The following CPNE4 variants were observed in gnomAD, a reference collection of about 807,000 sequenced individuals.
CPNE4 encodes the protein copine 4.
A neutral mutation model predicts 67.9 loss-of-function variants in CPNE4; 25 were observed. The observed-to-expected ratio is 0.37, with a 90% confidence interval of 0.27 to 0.51. The LOEUF (loss-of-function observed/expected upper bound fraction) is 0.51. CPNE4 is among the 20% of genes least tolerant of loss of function. The pLI is 0.93. For synonymous variants in CPNE4, 242 were observed against 244.9 expected (o/e 0.99, Z 0.11); for missense variants, 464 against 690.8 (o/e 0.67, Z 3.68).
chr3:132,035,332 C>T (rs184299412), upstream of CPNE4: 1 of 152,366 alleles, frequency 6.6e-6, no homozygotes, highest in East Asian at 1.9e-4. Flanking sequence ...TTTTGGCACT[C>T]ACCAAAGAAA....
At chr3:131,648,829 C>T (rs867450061) in intron 7 of CPNE4, among the ~76,000 whole-genome samples, 57 of 152,256 alleles carry the variant, frequency 3.7e-4, no homozygotes, top group African/African-American at 1.2e-3. Flanking sequence ...GAAAATGAGG[C>T]CCAGGGAGGG....
At chr3:131,866,957 A>C (rs1040134763) in intron 2 of CPNE4, among the ~76,000 whole-genome samples, 11 of 152,192 alleles carry the variant, frequency 7.2e-5, no homozygotes, top group African/African-American at 2.7e-4. Flanking sequence ...GAGGGCACAG[A>C]AGAGAATAAC....
At chr3:131,943,361 G>GAT (rs2071456125) in intron 1 of CPNE4, among the ~76,000 whole-genome samples, 1 of 152,130 alleles carries the variant, frequency 6.6e-6, no homozygotes, top group South Asian at 2.1e-4. Context: ...ATTTTAGAAT[G>GAT]ATAGATCAGG....
At chr3:131,837,050 C>T (rs1285656545) in intron 2 of CPNE4, among the ~76,000 whole-genome samples, 1 of 152,032 alleles carries the variant, frequency 6.6e-6, no homozygotes, top group Non-Finnish European at 1.5e-5. Context: ...ATTAGCATTG[C>T]TAAAATAATG....
chr3:131,707,789 A>G (rs1449344548), intron 3 of CPNE4, among the ~76,000 whole-genome samples: 1 of 152,062 alleles, frequency 6.6e-6, no homozygotes, highest in Non-Finnish European at 1.5e-5. Context: ...TCAAACCACT[A>G]CAAGGGCCAC....
intron 2 of CPNE4, among the ~76,000 whole-genome samples, chr3:131,902,750 A>G (rs982271199): frequency 1.3e-5 from 2 of 152,182 alleles, no homozygotes; most frequent in Non-Finnish European, 2.9e-5. Flanking sequence ...GGTTAGAAGT[A>G]GATGGATTTC....
intron 2 of CPNE4, among the ~76,000 whole-genome samples, chr3:131,746,291 T>G (rs962840276): frequency 1.3e-5 from 2 of 152,040 alleles, no homozygotes; most frequent in South Asian, 2.1e-4. Flanking sequence ...TTAAAATCAC[T>G]CTCTCTTAGG....
At position 131,955,410 on chromosome 3, in the gene CPNE4, G is replaced by GTTTTTTT. The variant is rs766033406; in HGVS notation, c.-1-49973_-1-49967dup. Among the ~76,000 whole-genome samples the GTTTTTTT allele has an allele frequency of 7.2e-3, 302 of 42,024 alleles. 25 individuals are homozygous for GTTTTTTT. Among genetic ancestry groups the GTTTTTTT allele is most frequent in the African/African-American group, 0.019 (202 of 10,656 alleles). The allele number at this position is 42,024 out of a possible 152,430, so 27.6% of individuals were successfully genotyped here. A position where few individuals can be genotyped will look rare whatever the true frequency, so the allele number is the denominator to read the frequency against. ...TTTTCTGTGTGGTATTGTATGTAAG[G>GTTTTTTT]TTTTTTTTTTTTTTTTTTTTTTTTG... On this transcript the variant is annotated intron_variant, in intron 1 of 15. Coordinates refer to ENST00000429747, the MANE Select transcript of CPNE4 (RefSeq NM_130808.3).
chr3:131,948,951 G>T (rs1054233800), intron 1 of CPNE4, among the ~76,000 whole-genome samples: 1 of 152,202 alleles, frequency 6.6e-6, no homozygotes. Flanking sequence ...AAGAGAACAG[G>T]TTTTGCTGTC....
intron 2 of CPNE4, among the ~76,000 whole-genome samples, chr3:131,863,754 G>A (rs1466848168): frequency 6.6e-6 from 1 of 152,116 alleles, no homozygotes; most frequent in Non-Finnish European, 1.5e-5. Flanking sequence ...CATTGCTTTT[G>A]GTGTTTTAGA....
Position 131,700,054 on chromosome 3 carries a change from C to CTTTTTTTTTTT in CPNE4, c.361-85_361-75dup, listed in dbSNP as rs3035263. The CTTTTTTTTTTT allele has an allele frequency of 1.1e-3, 279 of 254,700 alleles. 2 individuals carry two copies. The highest frequency in any genetic ancestry group is 1.8e-3 in the South Asian group (44 of 24,906). The allele number at this position is 254,700 out of a possible 1,614,324, so 15.8% of individuals were successfully genotyped here. ...TTAACTGTAGATCTATTTTTTAAAC[C>CTTTTTTTTTTT]TTTTTTTTTTTTTTTTTTTTTTTAC... On this transcript the variant is annotated intron_variant, in intron 3 of 15. Coordinates refer to ENST00000429747, the MANE Select transcript of CPNE4 (RefSeq NM_130808.3).
chr3:132,025,150 T>C (rs952279642), intron 1 of CPNE4, among the ~76,000 whole-genome samples: 1 of 152,214 alleles, frequency 6.6e-6, no homozygotes, highest in South Asian at 2.1e-4. Context: ...GATAATATTT[T>C]ATGCCAGTAA....
intron 1 of CPNE4, among the ~76,000 whole-genome samples, chr3:131,982,942 G>C (rs900620920): frequency 2.0e-5 from 3 of 151,794 alleles, no homozygotes; most frequent in Non-Finnish European, 4.4e-5. Flanking sequence ...AGATAACATT[G>C]ACATGAGCAA....
At chr3:131,709,262 TGGA>T (rs1022664629) in intron 3 of CPNE4, among the ~76,000 whole-genome samples, 6 of 152,016 alleles carry the variant, frequency 3.9e-5, no homozygotes, top group African/African-American at 1.4e-4. Context: ...AATAATGCAA[TGGA>T]GGGACGGAAA....
At chr3:131,944,581 G>A (rs971990311) in intron 1 of CPNE4, among the ~76,000 whole-genome samples, 1 of 151,852 alleles carries the variant, frequency 6.6e-6, no homozygotes, top group Non-Finnish European at 1.5e-5. Flanking sequence ...CCCAGATGAG[G>A]AGCAGCTGCT....
chr3:131,688,286 G>T (rs2080943854), intron 5 of CPNE4, among the ~76,000 whole-genome samples: 1 of 152,076 alleles, frequency 6.6e-6, no homozygotes, highest in Admixed American at 6.6e-5. Context: ...TATTTCTGAA[G>T]GTGCCTTCAG....
chr3:131,779,273 C>A (rs1018683598), intron 2 of CPNE4, among the ~76,000 whole-genome samples: 2 of 152,022 alleles, frequency 1.3e-5, no homozygotes, highest in Non-Finnish European at 2.9e-5. Flanking sequence ...AAACAATTTA[C>A]AGATTCAATG....
chr3:131,998,499 G>C lies in CPNE4; in HGVS notation c.-2+36068C>G, dbSNP rs2073351059. 1.3e-5 allele frequency among the ~76,000 whole-genome samples: 2 copies of C among 152,122 alleles called. 1 individual carries two copies. The highest frequency in any genetic ancestry group is 4.1e-4 in the South Asian group (2 of 4,834). Reference sequence around the variant, plus strand: ...TCTGAACATCAAGCCATGTAGGATGGATGCTGCGAATCCCCAGCTGTGACC... The same window carrying C: ...TCTGAACATCAAGCCATGTAGGATGCATGCTGCGAATCCCCAGCTGTGACC... On this transcript the variant is annotated intron_variant, in intron 1 of 15. Coordinates refer to ENST00000429747, the MANE Select transcript of CPNE4 (RefSeq NM_130808.3).
chr3:131,849,279 A>C (rs1231933760), intron 2 of CPNE4, among the ~76,000 whole-genome samples: 11 of 152,140 alleles, frequency 7.2e-5, no homozygotes, highest in African/African-American at 2.7e-4. Context: ...GCACTGCTAT[A>C]AAGAAATACC....
Sources: gnomAD v4.1 joint callset for allele counts (sites outside exome capture counted in the v4.1 genomes callset) on GRCh38, gnomAD v4.1.1 for gene constraint, MANE v1.5 for transcripts, NCBI Gene and HGNC (gene_info 2026-07-23, HGNC 2026-07-21) for gene names.